The following EDARADD variants were observed in gnomAD, a reference collection of about 807,000 sequenced individuals.
EDARADD encodes EDAR associated via death domain, also known as ectodysplasin-A receptor-associated adapter protein.
A neutral mutation model predicts 25.6 loss-of-function variants in EDARADD; 20 were observed. The observed-to-expected ratio is 0.78, with a 90% CI of 0.55 to 1.14. EDARADD has a LOEUF of 1.14. Among genes scored for constraint, EDARADD ranks in the 50% most tolerant of loss-of-function variants. The pLI is 0.00. For missense variants in EDARADD, 225 were observed against 270.1 expected (o/e 0.83, Z 1.17); for synonymous variants, 86 against 94.4 (o/e 0.91, Z 0.52).
chr1:236,371,483 G>A (rs627039), intron 3 of EDARADD, among the ~76,000 whole-genome samples: 44,682 of 151,848 alleles, frequency 0.29, 6,893 homozygotes, highest in African/African-American at 0.39. Context: ...AGTGGCAAGA[G>A]AAGACATCCT....
chr1:236,388,124 G>T (rs1379058996), intron 3 of EDARADD, among the ~76,000 whole-genome samples: 2 of 66,978 alleles, frequency 3.0e-5, no homozygotes, highest in African/African-American at 6.9e-5. Context: ...AAATTGCATT[G>T]TGTATGTGTG....
intron 5 of EDARADD, among the ~76,000 whole-genome samples, chr1:236,477,691 T>C (rs1659549149): frequency 6.6e-6 from 1 of 151,922 alleles, no homozygotes; most frequent in African/African-American, 2.4e-5. Context: ...GGCGTTCTGA[T>C]CATGAAGGAA....
Position 236,382,462 on chromosome 1 carries a change from T to C in EDARADD, c.-5-26754T>C, listed in dbSNP as rs541947608. Among the ~76,000 whole-genome samples the C allele has an allele frequency of 3.3e-5, 5 of 152,354 alleles. No homozygotes were observed. The East Asian group carries it at 9.6e-4, about 29-fold the overall frequency. ...TGTGTCCATTCTGGGTCTGTTTCAA[T>C]TGACCAGTTTTTCTCCTTATTGTAA... On this transcript the variant is annotated intron_variant, in intron 3 of 7. Transcript: ENST00000439430.
intron 1 of EDARADD, among the ~76,000 whole-genome samples, chr1:236,405,621 G>C (rs778438175): frequency 6.6e-6 from 1 of 152,028 alleles, no homozygotes; most frequent in Non-Finnish European, 1.5e-5. Flanking sequence ...ACTGAGGACC[G>C]GTCCTTCCTT....
upstream of EDARADD, among the ~76,000 whole-genome samples, chr1:236,391,458 T>C (rs537502006): frequency 6.6e-6 from 1 of 152,292 alleles, no homozygotes; most frequent in Non-Finnish European, 1.5e-5. Context: ...TCACTAAGGG[T>C]ATATCAAGCA....
chr1:236,450,087 C>T (rs1283046359), intron 4 of EDARADD, among the ~76,000 whole-genome samples: 2 of 134,628 alleles, frequency 1.5e-5, no homozygotes, highest in African/African-American at 5.4e-5. Context: ...GGTGACAGAA[C>T]GAGACTCTGT....
Position 236,483,153 on chromosome 1 carries a change from TA to T in EDARADD, c.*505del, listed in dbSNP as rs1659727709. 23 of 1,525,578 alleles carry T rather than the reference TA, an allele frequency of 1.5e-5. No homozygotes were observed. Among genetic ancestry groups the T allele is most frequent in the Non-Finnish European group, 2.1e-5 (23 of 1,103,290 alleles). The allele number at this position is 1,525,578 out of a possible 1,614,324, so 94.5% of individuals were successfully genotyped here. ...CTCCTAGGCAATGAGACCCAGTGGC[TA>T]GAAATTCACCATGTCTATTCTCAAG... On this transcript the variant is annotated 3_prime_UTR_variant, in exon 6 of 6. Transcript: ENST00000334232.
chr1:236,433,489 T>TTAGTAGAGACGC (rs928724691), intron 4 of EDARADD, among the ~76,000 whole-genome samples: 4 of 151,562 alleles, frequency 2.6e-5, no homozygotes, highest in African/African-American at 7.3e-5. Flanking sequence ...TTTTGTACTT[T>TTAGTAGAGACGC]TAGTAGAGAC....
chr1:236,368,440 CT>C (rs59201705), intron 3 of EDARADD, among the ~76,000 whole-genome samples: 1,255 of 124,166 alleles, frequency 0.01, 9 homozygotes, highest in African/African-American at 0.032. Flanking sequence ...CCAGTCTTTT[CT>C]TTTTTTTTTT....
intron 5 of EDARADD, among the ~76,000 whole-genome samples, chr1:236,471,033 G>A (rs755437709): frequency 2.3e-4 from 35 of 152,150 alleles, no homozygotes; most frequent in Non-Finnish European, 3.2e-4. Context: ...CTCCGCCACC[G>A]CACCCAGCCC....
intron 4 of EDARADD, among the ~76,000 whole-genome samples, chr1:236,438,115 C>A (rs201798511): frequency 1.8e-5 from 1 of 55,182 alleles, no homozygotes; most frequent in East Asian, 2.4e-4. Flanking sequence ...CATAGTTTTC[C>A]CTCTTTGTCT....
chr1:236,446,904 T>A (rs1299163238), intron 4 of EDARADD, among the ~76,000 whole-genome samples: 2 of 152,170 alleles, frequency 1.3e-5, no homozygotes, highest in Non-Finnish European at 2.9e-5. Flanking sequence ...ATATTTAGTG[T>A]CCACATTTGA....
At chr1:236,355,951 T>C (rs568839473) in intron 3 of EDARADD, among the ~76,000 whole-genome samples, 2 of 152,266 alleles carry the variant, frequency 1.3e-5, no homozygotes, top group African/African-American at 4.8e-5. Flanking sequence ...CAGGACCTCC[T>C]GAGGGCTGTA....
chr1:236,373,741 G>A (rs1018233249), intron 3 of EDARADD, among the ~76,000 whole-genome samples: 4 of 152,020 alleles, frequency 2.6e-5, no homozygotes, highest in South Asian at 2.1e-4. Context: ...TTCCTAAAGT[G>A]GAAGCATAGA....
At position 236,413,139 on chromosome 1, in the gene EDARADD, C is replaced by T. The variant is rs558758796; in HGVS notation, c.121-1121C>T. 3.9e-5 allele frequency among the ~76,000 whole-genome samples: 6 copies of T among 152,380 alleles called. 1 individual carries two copies. The highest frequency in any genetic ancestry group is 1.2e-4 in the African/African-American group (5 of 41,598). ...TCAGCCTCCCAAAGTGCTGGGATTA[C>T]AGGCGTGAGCCACCGCACCCAGCCT... On this transcript the variant is annotated intron_variant, in intron 2 of 5. Coordinates refer to ENST00000334232, the MANE Select transcript of EDARADD (RefSeq NM_145861.4).
intron 3 of EDARADD, among the ~76,000 whole-genome samples, chr1:236,354,131 C>T (rs1450475408): frequency 6.6e-6 from 1 of 152,128 alleles, no homozygotes; most frequent in African/African-American, 2.4e-5. Flanking sequence ...CATTTAGATA[C>T]TTAAAAGCCT....
At chr1:236,383,188 A>C (rs2102996522) in intron 3 of EDARADD, among the ~76,000 whole-genome samples, 1 of 152,138 alleles carries the variant, frequency 6.6e-6, no homozygotes, top group Non-Finnish European at 1.5e-5. Context: ...TGAGGTCAGG[A>C]GTTTGAGACC....
intron 4 of EDARADD, among the ~76,000 whole-genome samples, chr1:236,467,588 A>C (rs904086873): frequency 6.6e-6 from 1 of 152,166 alleles, no homozygotes; most frequent in African/African-American, 2.4e-5. Context: ...CCACTTTTTC[A>C]TAGTTGGTTT....
At chr1:236,406,024 G>A in intron 1 of EDARADD, among the ~76,000 whole-genome samples, 1 of 150,308 alleles carries the variant, frequency 6.7e-6, no homozygotes, top group East Asian at 1.9e-4. Context: ...GATGGTGTCA[G>A]AGCATTTAAA....
Sources: gnomAD v4.1 joint callset for allele counts (sites outside exome capture counted in the v4.1 genomes callset) on GRCh38, gnomAD v4.1.1 for gene constraint, MANE v1.5 for transcripts, NCBI Gene and HGNC (gene_info 2026-07-23, HGNC 2026-07-21) for gene names.